PIP5K1C: variants seen among roughly 807,000 people sequenced by gnomAD.
PIP5K1C encodes the protein phosphatidylinositol-4-phosphate 5-kinase type 1 gamma.
A neutral mutation model predicts 80.1 loss-of-function variants in PIP5K1C; 45 were observed. That is an observed-to-expected ratio of 0.56 (90% CI 0.44 to 0.72). The LOEUF (loss-of-function observed/expected upper bound fraction) is 0.72. PIP5K1C is among the 30% of genes least tolerant of loss of function. The pLI, the probability that PIP5K1C is intolerant of heterozygous loss-of-function variation, is 0.00. For missense variants in PIP5K1C, 753 were observed against 954.6 expected (o/e 0.79, Z 2.78); for synonymous variants, 498 against 420.1 (o/e 1.19, Z -2.27).
chr19:3,698,347 C>T (rs1200134105), intron 1 of PIP5K1C, among the ~76,000 whole-genome samples: 1 of 152,250 alleles, frequency 6.6e-6, no homozygotes, highest in African/African-American at 2.4e-5. Context: ...CCACACAGCA[C>T]CTGAAGCGCG....
intron 1 of PIP5K1C, among the ~76,000 whole-genome samples, chr19:3,673,297 C>T (rs185858940): frequency 2.0e-5 from 3 of 152,252 alleles, no homozygotes; most frequent in Non-Finnish European, 4.4e-5. Flanking sequence ...CTGGCTTGAA[C>T]ATCACCCCTC....
At chr19:3,634,238 G>A (rs889663113) in intron 16 of PIP5K1C, among the ~76,000 whole-genome samples, 2 of 151,784 alleles carry the variant, frequency 1.3e-5, no homozygotes, top group East Asian at 3.9e-4. Context: ...GGGATCTGGG[G>A]AGGGAGGGAG....
At chr19:3,681,115 C>T (rs1050846696) in intron 1 of PIP5K1C, among the ~76,000 whole-genome samples, 9 of 152,082 alleles carry the variant, frequency 5.9e-5, no homozygotes, top group African/African-American at 2.2e-4. Context: ...CCGGAGTCAA[C>T]ACAGTATGGA....
intron 15 of PIP5K1C, among the ~76,000 whole-genome samples, chr19:3,641,216 C>CA (rs1402455806): frequency 6.7e-6 from 1 of 149,212 alleles, no homozygotes; most frequent in South Asian, 2.1e-4. Context: ...TCCTGTCTCA[C>CA]AAAAAAAATT....
At chr19:3,666,877 A>T (rs2145507549) in intron 2 of PIP5K1C, among the ~76,000 whole-genome samples, 1 of 152,368 alleles carries the variant, frequency 6.6e-6, no homozygotes, top group East Asian at 1.9e-4. Flanking sequence ...TGGCTCACAG[A>T]CACTGAGGGC....
At chr19:3,651,055 G>GTT (rs60438258) in intron 8 of PIP5K1C, among the ~76,000 whole-genome samples, 48,074 of 127,090 alleles carry the variant, frequency 0.38, 10,138 homozygotes, top group Non-Finnish European at 0.47. Flanking sequence ...CGCGCCCAGC[G>GTT]TTTTTTTTTT....
At chr19:3,663,563 C>T (rs915159094) in intron 3 of PIP5K1C, among the ~76,000 whole-genome samples, 1 of 152,210 alleles carries the variant, frequency 6.6e-6, no homozygotes, top group Admixed American at 6.5e-5. Flanking sequence ...CCTGGAATCC[C>T]GGCCAGTCGG....
intron 16 of PIP5K1C, among the ~76,000 whole-genome samples, chr19:3,634,039 T>A (rs1442510660): frequency 1.3e-5 from 2 of 152,032 alleles, no homozygotes; most frequent in East Asian, 3.9e-4. Context: ...GCCAGTCCCC[T>A]CTGCCAGCAC....
intron 1 of PIP5K1C, among the ~76,000 whole-genome samples, chr19:3,689,413 G>A (rs2035876137): frequency 6.6e-6 from 1 of 152,036 alleles, no homozygotes; most frequent in Admixed American, 6.6e-5. Context: ...CACTTTGGGA[G>A]GCTGAGGTGG....
Position 3,688,862 on chromosome 19 carries a change from C to T in PIP5K1C, c.94+11435G>A, listed in dbSNP as rs1017356526. 6.6e-6 allele frequency among the ~76,000 whole-genome samples: 1 copy of T among 152,038 alleles called. No homozygotes were observed. Among genetic ancestry groups the T allele is most frequent in the African/African-American group, 2.4e-5 (1 of 41,398 alleles). On this transcript the variant is annotated intron_variant, in intron 1 of 17. Coordinates refer to ENST00000335312, the MANE Select transcript of PIP5K1C (RefSeq NM_012398.3). This position sits in a 1 kb window ranked among gnomAD's most constrained non-coding sequence, Gnocchi z 5.3. ...CCCCGTTTTTGAGCCCCCACACAGC[C>T]GAATACATGCCCCCGGTCCCCCTTC...
chr19:3,642,629 G>A (rs1019249145), intron 14 of PIP5K1C, among the ~76,000 whole-genome samples: 6 of 152,100 alleles, frequency 3.9e-5, no homozygotes, highest in African/African-American at 7.2e-5. Flanking sequence ...CGCATTTCAC[G>A]ATATTCCCTC....
intron 15 of PIP5K1C, among the ~76,000 whole-genome samples, chr19:3,639,407 G>A (rs148015148): frequency 7.4e-4 from 112 of 152,246 alleles, no homozygotes; most frequent in Middle Eastern, 3.4e-3. Context: ...GCACCTAGCC[G>A]CTGGGATCAG....
intron 5 of PIP5K1C, among the ~76,000 whole-genome samples, chr19:3,660,285 CAGG>C (rs937220886): frequency 6.6e-6 from 1 of 151,960 alleles, no homozygotes; most frequent in Admixed American, 6.6e-5. Flanking sequence ...GAAGCTGAGG[CAGG>C]AGAATGGCGT....
intron 1 of PIP5K1C, among the ~76,000 whole-genome samples, chr19:3,669,506 G>A (rs2035130202): frequency 6.6e-6 from 1 of 152,196 alleles, no homozygotes; most frequent in Non-Finnish European, 1.5e-5. Flanking sequence ...AGGGGACAGA[G>A]GAGAATTTCC....
At chr19:3,661,340 C>A (rs1479475168) in intron 4 of PIP5K1C, among the ~76,000 whole-genome samples, 7 of 152,252 alleles carry the variant, frequency 4.6e-5, no homozygotes, top group Non-Finnish European at 1.0e-4. Context: ...CAGGACCATG[C>A]CGCCCCAGCC....
At chr19:3,684,708 C>T (rs781241899) in intron 1 of PIP5K1C, among the ~76,000 whole-genome samples, 61 of 152,228 alleles carry the variant, frequency 4.0e-4, no homozygotes, top group Non-Finnish European at 8.2e-4. Flanking sequence ...TCCACGAATC[C>T]CACCACAGAC....
intron 1 of PIP5K1C, among the ~76,000 whole-genome samples, chr19:3,677,372 C>T (rs1180621778): frequency 6.6e-6 from 1 of 152,114 alleles, no homozygotes; most frequent in Non-Finnish European, 1.5e-5. Flanking sequence ...CACTTGAGCC[C>T]AGGAGTTAGA....
intron 1 of PIP5K1C, among the ~76,000 whole-genome samples, chr19:3,697,139 C>T (rs1287205930): frequency 7.0e-6 from 1 of 143,298 alleles, no homozygotes; most frequent in Non-Finnish European, 1.5e-5. Context: ...GAGGACTGAG[C>T]CGGACGAAGG....
intron 2 of PIP5K1C, among the ~76,000 whole-genome samples, chr19:3,665,610 G>A (rs1311324185): frequency 6.6e-6 from 1 of 152,106 alleles, no homozygotes; most frequent in Non-Finnish European, 1.5e-5. Flanking sequence ...GCCCCTAACT[G>A]TGAGACCGCT....
Sources: allele counts gnomAD v4.1 joint callset (sites outside exome capture counted in the v4.1 genomes callset), GRCh38; gene constraint gnomAD v4.1.1; non-coding constraint Gnocchi (gnomAD v3.1); transcripts MANE v1.5; gene names NCBI Gene and HGNC (gene_info 2026-07-23, HGNC 2026-07-21).